The following VAV3 variants were observed in gnomAD, a reference collection of about 807,000 sequenced individuals.
VAV3 encodes the protein vav guanine nucleotide exchange factor 3.
A neutral mutation model predicts 131.2 loss-of-function variants in VAV3; 94 were observed. That is an observed-to-expected ratio of 0.72 (90% confidence interval 0.61 to 0.85). The LOEUF is 0.85. Among genes scored for constraint, VAV3 ranks in the 40% least tolerant of loss-of-function variants. The pLI, the probability that VAV3 is intolerant of heterozygous loss-of-function variation, is 0.00. For synonymous variants in VAV3, 349 were observed against 342.0 expected (o/e 1.02, Z -0.22); for missense variants, 939 against 1,002.7 (o/e 0.94, Z 0.86).
intron 15 of VAV3, among the ~76,000 whole-genome samples, chr1:107,741,834 T>C (rs1015768888): frequency 6.6e-6 from 1 of 152,100 alleles, no homozygotes; most frequent in African/African-American, 2.4e-5. Context: ...TTTCTACAAT[T>C]TTCAATATAC....
intron 20 of VAV3, among the ~76,000 whole-genome samples, chr1:107,638,299 T>C (rs773441699): frequency 6.6e-6 from 1 of 152,180 alleles, no homozygotes; most frequent in Non-Finnish European, 1.5e-5. Flanking sequence ...TGCTGGACTC[T>C]ACAAAAGGAA....
chr1:107,793,137 A>C (rs937933720), intron 2 of VAV3, among the ~76,000 whole-genome samples: 8 of 152,196 alleles, frequency 5.3e-5, no homozygotes, highest in African/African-American at 1.7e-4. Flanking sequence ...AGACAACCTT[A>C]TGAACAGAAT....
intron 1 of VAV3, among the ~76,000 whole-genome samples, chr1:107,924,848 A>C (rs921495355): frequency 6.6e-6 from 1 of 152,090 alleles, no homozygotes; most frequent in Non-Finnish European, 1.5e-5. Flanking sequence ...ATTTAGGGAA[A>C]CTCTGGCAAA....
intron 1 of VAV3, among the ~76,000 whole-genome samples, chr1:107,906,354 T>C (rs1672106832): frequency 6.6e-6 from 1 of 152,108 alleles, no homozygotes; most frequent in African/African-American, 2.4e-5. Flanking sequence ...GCTTCACAAC[T>C]GGGAAGTCTT....
chr1:107,829,502 C>T (rs745841556), intron 2 of VAV3, among the ~76,000 whole-genome samples: 5 of 152,106 alleles, frequency 3.3e-5, no homozygotes, highest in Non-Finnish European at 5.9e-5. Flanking sequence ...ATAAAGTACA[C>T]CATTAAGTAC....
intron 1 of VAV3, among the ~76,000 whole-genome samples, chr1:107,918,010 A>C (rs1672704397): frequency 6.6e-6 from 1 of 152,220 alleles, no homozygotes; most frequent in African/African-American, 2.4e-5. Context: ...TTAATTATTT[A>C]ATCGACAAAT....
At chr1:107,955,856 A>T (rs921820537) in intron 1 of VAV3, among the ~76,000 whole-genome samples, 3 of 152,170 alleles carry the variant, frequency 2.0e-5, no homozygotes, top group Non-Finnish European at 4.4e-5. Flanking sequence ...GAACCACTAA[A>T]GTTATAAGGA....
At chr1:107,670,496 TC>T (rs1208020137) in intron 19 of VAV3, among the ~76,000 whole-genome samples, 1 of 152,166 alleles carries the variant, frequency 6.6e-6, no homozygotes, top group Non-Finnish European at 1.5e-5. Context: ...TTTTTGCCTT[TC>T]AGAAATGTTA....
chr1:107,894,577 CAAAAAG>C (rs1671478547), intron 1 of VAV3, among the ~76,000 whole-genome samples: 1 of 151,972 alleles, frequency 6.6e-6, no homozygotes, highest in Non-Finnish European at 1.5e-5. Context: ...AGGCAGCTCC[CAAAAAG>C]AAAAAGATAA....
At chr1:107,815,476 G>A (rs544913858) in intron 2 of VAV3, among the ~76,000 whole-genome samples, 22 of 152,270 alleles carry the variant, frequency 1.4e-4, no homozygotes, top group African/African-American at 4.6e-4. Flanking sequence ...GTGATTTTAC[G>A]CACTGTTCCA....
chr1:107,919,006 C>A (rs1672760431), intron 1 of VAV3, among the ~76,000 whole-genome samples: 1 of 152,012 alleles, frequency 6.6e-6, no homozygotes, highest in African/African-American at 2.4e-5. Context: ...CCCGCTGGAC[C>A]AAGGCATATT....
chr1:107,871,804 A>G (rs1457522372), intron 2 of VAV3, among the ~76,000 whole-genome samples: 1 of 152,172 alleles, frequency 6.6e-6, no homozygotes, highest in East Asian at 1.9e-4. Flanking sequence ...GAGAGCTTGG[A>G]CAAAGTTTAG....
intron 7 of VAV3, among the ~76,000 whole-genome samples, chr1:107,767,117 G>A (rs1180887048): frequency 6.6e-6 from 1 of 152,176 alleles, no homozygotes; most frequent in African/African-American, 2.4e-5. Context: ...AATTAGTGGT[G>A]TCCTGGTGCT....
At chr1:107,717,219 T>C (rs1378094089) in intron 15 of VAV3, among the ~76,000 whole-genome samples, 1 of 152,174 alleles carries the variant, frequency 6.6e-6, no homozygotes, top group African/African-American at 2.4e-5. Context: ...TTGAAGGGTT[T>C]TGTGTGTCTC....
At chr1:107,714,143 G>T (rs1252739070) in intron 15 of VAV3, among the ~76,000 whole-genome samples, 1 of 152,086 alleles carries the variant, frequency 6.6e-6, no homozygotes, top group Non-Finnish European at 1.5e-5. Flanking sequence ...GAAGCTGTCT[G>T]AACTAGAAAT....
At chr1:107,649,136 A>G (rs1260378667) in intron 19 of VAV3, among the ~76,000 whole-genome samples, 1 of 152,096 alleles carries the variant, frequency 6.6e-6, no homozygotes, top group Non-Finnish European at 1.5e-5. Flanking sequence ...GTCTGTATGC[A>G]GCTCTGTGGA....
intron 1 of VAV3, among the ~76,000 whole-genome samples, chr1:107,904,645 A>C (rs12408166): frequency 2.0e-4 from 30 of 152,152 alleles, no homozygotes; most frequent in Non-Finnish European, 3.7e-4. Flanking sequence ...TCATTCATGC[A>C]CACCTTTATT....
At chr1:107,579,425 C>T (rs1244634754) in intron 25 of VAV3, among the ~76,000 whole-genome samples, 1 of 152,180 alleles carries the variant, frequency 6.6e-6, no homozygotes, top group Admixed American at 6.5e-5. Flanking sequence ...CTCAAAGTCC[C>T]ATGTTTCCCC....
intron 18 of VAV3, among the ~76,000 whole-genome samples, chr1:107,688,003 T>G (rs952663232): frequency 6.6e-6 from 1 of 152,158 alleles, no homozygotes; most frequent in South Asian, 2.1e-4. Flanking sequence ...ACGTTAGAAT[T>G]TGCACTAATT....
Sources: allele counts gnomAD v4.1 joint callset (sites outside exome capture counted in the v4.1 genomes callset), GRCh38; gene constraint gnomAD v4.1.1; transcripts MANE v1.5; gene names NCBI Gene and HGNC (gene_info 2026-07-23, HGNC 2026-07-21).